Variants in KIF1A observed in about 807,000 individuals in gnomAD.
The protein encoded by KIF1A is kinesin family member 1A, also known as kinesin-like protein KIF1A.
A neutral mutation model predicts 227.3 loss-of-function variants in KIF1A; 46 were observed. The ratio of observed to expected loss-of-function variants is 0.20; its 90% CI spans 0.16 to 0.26. KIF1A has a LOEUF of 0.26. KIF1A is among the 10% of genes least tolerant of loss of function. KIF1A has a pLI of 1.00. For synonymous variants in KIF1A, 1,022 were observed against 1,012.8 expected (o/e 1.01, Z -0.17); for missense variants, 1,683 against 2,485.9 (o/e 0.68, Z 6.87).
intron 34 of KIF1A, among the ~76,000 whole-genome samples, chr2:240,742,034 A>G (rs2048033158): frequency 6.6e-6 from 1 of 152,166 alleles, no homozygotes; most frequent in South Asian, 2.1e-4. Context: ...GGCTGTGGGG[A>G]GGACTGAATC....
intron 46 of KIF1A, among the ~76,000 whole-genome samples, chr2:240,719,476 T>A (rs769548723): frequency 1.4e-4 from 21 of 152,196 alleles, no homozygotes; most frequent in Non-Finnish European, 2.9e-4. Context: ...CTGTACCCAG[T>A]GACCACGAGT....
Position 240,743,922 on chromosome 2 carries a change from C to T in KIF1A, c.3584+20G>A. Reference sequence around the variant, plus strand: ...GCTTTGAGGACAGCAGCCCCGAACCCCCCGACCCAGGGCGCTAACCTGAGC... The same window carrying T: ...GCTTTGAGGACAGCAGCCCCGAACCTCCCGACCCAGGGCGCTAACCTGAGC... On this transcript the variant is annotated intron_variant, in intron 33 of 48. Coordinates refer to ENST00000498729, the MANE Select transcript of KIF1A (RefSeq NM_001244008.2). 6.4e-7 allele frequency: 1 copy of T among 1,552,770 alleles called. No individual in the cohort carries two copies. The highest frequency in any genetic ancestry group is 1.1e-5 in the South Asian group (1 of 89,632).
At chr2:240,780,812 A>ACACACAGCTC (rs2053623273) in intron 10 of KIF1A, among the ~76,000 whole-genome samples, 2 of 98,286 alleles carry the variant, frequency 2.0e-5, no homozygotes, top group African/African-American at 6.3e-5. Flanking sequence ...ACACACACAC[A>ACACACAGCTC]CACACACACA....
chr2:240,792,960 A>G lies in KIF1A; in HGVS notation c.107-3648T>C, dbSNP rs563927687. Among the ~76,000 whole-genome samples the G allele has an allele frequency of 2.9e-4, 44 of 152,230 alleles. 2 individuals carry two copies. The South Asian group carries it at 9.1e-3, about 32-fold the overall frequency. On this transcript the variant is annotated intron_variant, in intron 2 of 48. Transcript: ENST00000498729. This position sits in a 1 kb window ranked among gnomAD's most constrained non-coding sequence, Gnocchi z 4.5. ...TCCGCCTCCAGACTGCGGAGAAGGG[A>G]ACATATGCTGTTTAAGACGCCCACT...
chr2:240,732,372 G>A (rs2046801299), intron 38 of KIF1A, among the ~76,000 whole-genome samples: 1 of 145,090 alleles, frequency 6.9e-6, no homozygotes, highest in South Asian at 2.3e-4. Context: ...AAAATGAAGG[G>A]AAGAGGGGCG....
In KIF1A at chr2:240,715,002, C is replaced by G. The variant is rs192120362; in HGVS notation, c.*2362G>C. On this transcript the variant is annotated 3_prime_UTR_variant, in exon 49 of 49. Transcript: ENST00000498729. The stretch of plus-strand genomic sequence containing the variant: ...CAGGTTGGCTGGCCTCAGACACCTG[C>G]GACCTGGGGGGTGCGCCCAGACCCT... 1 of 152,284 alleles carries G rather than the reference C, an allele frequency of 6.6e-6. No homozygotes were observed. Among genetic ancestry groups the G allele is most frequent in the African/African-American group, 2.4e-5 (1 of 41,462 alleles). The allele number at this position is 152,284 out of a possible 1,614,324, so 9.4% of individuals were successfully genotyped here.
intron 23 of KIF1A, among the ~76,000 whole-genome samples, 164 bp downstream of exon 23, chr2:240,762,555 C>T (rs1161377092): frequency 1.3e-5 from 2 of 152,216 alleles, no homozygotes; most frequent in Admixed American, 6.5e-5. Flanking sequence ...CCCAATGCTG[C>T]TTCCACGGTG....
chr2:240,774,306 C>T (rs2052435126), intron 11 of KIF1A, 45 bp from the exon 12 acceptor site: 2 of 1,335,094 alleles, frequency 1.5e-6, no homozygotes, highest in South Asian at 2.4e-5. Context: ...GATCTAGGCC[C>T]CAGGGCTATG....
At chr2:240,762,253 G>A (rs1347974180) in intron 23 of KIF1A, among the ~76,000 whole-genome samples, 1 of 152,254 alleles carries the variant, frequency 6.6e-6, no homozygotes, top group African/African-American at 2.4e-5. Flanking sequence ...GGTCAGCTGG[G>A]TTGGCCCCCG....
chr2:240,783,696 C>A, intron 8 of KIF1A, 43 bp downstream of exon 8: 1 of 1,494,792 alleles, frequency 6.7e-7, no homozygotes, highest in Non-Finnish European at 9.1e-7. Context: ...CTGGAGCAGG[C>A]CAAATGTGGA....
chr2:240,744,104 C>A, intron 32 of KIF1A, 44 bp from the exon 33 acceptor site: 2 of 1,290,380 alleles, frequency 1.5e-6, no homozygotes, highest in South Asian at 2.4e-5. Flanking sequence ...ACGGCCAGGT[C>A]ACATTCAAGG....
chr2:240,795,156 A>C (rs928408763), intron 2 of KIF1A, among the ~76,000 whole-genome samples: 2 of 152,140 alleles, frequency 1.3e-5, no homozygotes, highest in Non-Finnish European at 2.9e-5. Flanking sequence ...CCAGTTGCCC[A>C]AAAAAAGTGT....
In KIF1A at chr2:240,803,578, G is replaced by A. The variant is rs549993843; in HGVS notation, c.-60-5766C>T. ...CCTTTATTTTAGTGGCATTTCAGGA[G>A]GGAGAGATGATAAATGGATGAATAC... On this transcript the variant is annotated intron_variant, in intron 1 of 48. Coordinates refer to ENST00000498729, the MANE Select transcript of KIF1A (RefSeq NM_001244008.2). Among the ~76,000 whole-genome samples, 4 of 152,296 alleles carry A rather than the reference G, an allele frequency of 2.6e-5. No individual in the cohort carries two copies. The South Asian group carries it at 8.3e-4, about 32-fold the overall frequency.
At chr2:240,743,468 G>A (rs2048233826) in intron 33 of KIF1A, among the ~76,000 whole-genome samples, 1 of 152,192 alleles carries the variant, frequency 6.6e-6, no homozygotes, top group African/African-American at 2.4e-5. Context: ...TGGGTGAGAT[G>A]GCCTGAGTGG....
rs2050010538 is a variant in KIF1A at position 240,757,551 on chromosome 2, A to G, written c.2626T>C (p.Cys876Arg). The G allele has an allele frequency of 1.3e-6, 2 of 1,536,958 alleles. No individual in the cohort carries two copies. Among genetic ancestry groups the G allele is most frequent in the Non-Finnish European group, 8.8e-7 (1 of 1,139,596 alleles). The change falls in exon 27 of 49, where the codon TGC becomes CGC. Residue 876 changes from cysteine (C) to arginine (R), a missense_variant. Coordinates refer to ENST00000498729, the MANE Select transcript of KIF1A (RefSeq NM_001244008.2). The surrounding 1 kb of genome is among the most constrained non-coding windows in gnomAD (Gnocchi z 6.2). ...AGAGCAGCCATGCGCTCGCTCATGCATGTGTTGAGAAGAGGGTAGCTGTTG... is the reference window on the plus strand; with the variant it reads ...AGAGCAGCCATGCGCTCGCTCATGCGTGTGTTGAGAAGAGGGTAGCTGTTG... ...GCNSYPLLNTCMSERMAALTP... is the reference protein window; with the variant it reads ...GCNSYPLLNTRMSERMAALTP...
intron 1 of KIF1A, among the ~76,000 whole-genome samples, chr2:240,807,120 GTGTGTGTGTGTATA>G (rs1346417307): frequency 3.7e-5 from 3 of 82,168 alleles, no homozygotes; most frequent in African/African-American, 7.3e-5. Flanking sequence ...GTGTGTGTGT[GTGTGTGTGTGTATA>G]TATATATATA....
In KIF1A at chr2:240,758,592, A is replaced by G; in HGVS notation, c.2445-95T>C. 7.7e-7 allele frequency: 1 copy of G among 1,294,832 alleles called. No individual in the cohort carries two copies. The highest frequency in any genetic ancestry group is 1.0e-6 in the Non-Finnish European group (1 of 986,262). 80.2% of individuals were successfully genotyped at this position (1,294,832 alleles called of 1,614,324 possible). ...CTCCTGGGGACAGTGGGCTCAGCCTAGCTCTGGCCACCACATCCAGCTCAG... is the reference window on the plus strand; with the variant it reads ...CTCCTGGGGACAGTGGGCTCAGCCTGGCTCTGGCCACCACATCCAGCTCAG... On this transcript the variant is annotated intron_variant, in intron 25 of 48. Coordinates refer to ENST00000498729, the MANE Select transcript of KIF1A (RefSeq NM_001244008.2). This position sits in a 1 kb window ranked among gnomAD's most constrained non-coding sequence, Gnocchi z 5.2.
chr2:240,746,930 G>T (rs2048670158), intron 29 of KIF1A, among the ~76,000 whole-genome samples: 1 of 152,336 alleles, frequency 6.6e-6, no homozygotes, highest in East Asian at 1.9e-4. Flanking sequence ...GAGACAGGGT[G>T]GGGGTGGCTG....
At chr2:240,815,499 G>A (rs1245129747) in intron 1 of KIF1A, among the ~76,000 whole-genome samples, 3 of 152,158 alleles carry the variant, frequency 2.0e-5, no homozygotes, top group Non-Finnish European at 4.4e-5. Flanking sequence ...GCCAGGCTCA[G>A]GAATCCATAG....
Sources: allele counts gnomAD v4.1 joint callset (sites outside exome capture counted in the v4.1 genomes callset), GRCh38; gene constraint gnomAD v4.1.1; non-coding constraint Gnocchi (gnomAD v3.1); transcripts MANE v1.5; gene names NCBI Gene and HGNC (gene_info 2026-07-23, HGNC 2026-07-21).